SNX24: variants seen among roughly 807,000 people sequenced by gnomAD.
SNX24 encodes the protein sorting nexin-24.
In SNX24, 22 loss-of-function variants were observed where a neutral mutation model predicts 28.7. The ratio of observed to expected loss-of-function variants is 0.77; its 90% CI spans 0.55 to 1.10. The LOEUF (loss-of-function observed/expected upper bound fraction) is 1.10. Ranked by LOEUF, SNX24 falls within the 50% of genes least tolerant of loss-of-function variation. SNX24 has a pLI of 0.00. For missense variants in SNX24, 221 were observed against 201.1 expected, an observed-to-expected ratio of 1.10 and a Z score of -0.60; for synonymous variants, 69 against 71.5, an observed-to-expected ratio of 0.96 and a Z score of 0.18.
chr5:122,920,594 G>A (rs1339172316), intron 1 of SNX24, among the ~76,000 whole-genome samples: 2 of 152,114 alleles, frequency 1.3e-5, no homozygotes, highest in Admixed American at 6.5e-5. Context: ...GTTGTTATAC[G>A]CAAGTAGAAT....
chr5:122,908,781 T>C (rs1471096756), intron 1 of SNX24, among the ~76,000 whole-genome samples: 2 of 152,200 alleles, frequency 1.3e-5, no homozygotes, highest in South Asian at 2.1e-4. Context: ...GAGGACTGTT[T>C]CTATGTCCTG....
intron 1 of SNX24, among the ~76,000 whole-genome samples, chr5:122,918,659 T>C (rs1048066109): frequency 6.6e-6 from 1 of 152,176 alleles, no homozygotes; most frequent in African/African-American, 2.4e-5. Flanking sequence ...GTATAGACTT[T>C]TAGAGCTCAA....
intron 3 of SNX24, among the ~76,000 whole-genome samples, chr5:122,975,338 T>C (rs1192530306): frequency 1.3e-5 from 2 of 152,134 alleles, no homozygotes; most frequent in African/African-American, 2.4e-5. Flanking sequence ...TTTTAATCCT[T>C]CTTTTTGTTT....
chr5:122,905,309 A>G (rs1757602997), intron 1 of SNX24, among the ~76,000 whole-genome samples: 1 of 152,110 alleles, frequency 6.6e-6, no homozygotes, highest in Non-Finnish European at 1.5e-5. Context: ...AGTTGGGTTC[A>G]TTCTGCCAGC....
intron 1 of SNX24, among the ~76,000 whole-genome samples, chr5:122,898,055 CTGTT>C (rs1387589746): frequency 4.6e-5 from 7 of 152,138 alleles, no homozygotes; most frequent in African/African-American, 7.2e-5. Flanking sequence ...TTCTGGAAAA[CTGTT>C]TGTGTGCATG....
intron 3 of SNX24, among the ~76,000 whole-genome samples, chr5:122,953,691 T>C (rs1269829740): frequency 6.6e-6 from 1 of 152,204 alleles, no homozygotes; most frequent in Admixed American, 6.5e-5. Context: ...TGTGCATACG[T>C]TACTTGTTCC....
intron 6 of SNX24, among the ~76,000 whole-genome samples, chr5:123,006,566 C>G (rs555692065): frequency 3.7e-4 from 56 of 152,370 alleles, no homozygotes; most frequent in Non-Finnish European, 1.8e-4. Flanking sequence ...CTCTGTCCCA[C>G]TCTGCTTAAA....
rs1334459082 is a variant in SNX24 at position 123,001,940 on chromosome 5, C to T, written c.378C>T (p.Ser126=). 1.2e-6 allele frequency: 2 copies of T among 1,613,938 alleles called. No individual in the cohort carries two copies. The highest frequency in any genetic ancestry group is 2.7e-5 in the African/African-American group (2 of 74,928). Residue 126 remains serine, a splice_region_variant and synonymous_variant, in exon 6 of 7, where the codon AGC becomes AGT. Coordinates refer to ENST00000261369, the MANE Select transcript of SNX24 (RefSeq NM_014035.4). ...ACATGCCTGTTCTTGACCTTTCCAG[C>T]AAACTGTCCCACCAGCCTGTGCTGC... ...SFDETESEES[S]KLSHQPVLLF...
chr5:122,998,935 T>C (rs1023773338), intron 3 of SNX24, among the ~76,000 whole-genome samples: 3 of 152,158 alleles, frequency 2.0e-5, no homozygotes, highest in Non-Finnish European at 2.9e-5. Context: ...CAACATGTAC[T>C]TACTGGACAA....
intron 1 of SNX24, among the ~76,000 whole-genome samples, chr5:122,904,273 CCT>C (rs1398929098): frequency 1.1e-4 from 17 of 152,082 alleles, no homozygotes; most frequent in Non-Finnish European, 1.9e-4. Flanking sequence ...GCCTCTGCCC[CCT>C]GAGTTCAAGG....
chr5:123,027,062 C>T (rs45584638), intron 5 of SNX24, among the ~76,000 whole-genome samples: 33 of 152,034 alleles, frequency 2.2e-4, no homozygotes, highest in African/African-American at 6.5e-4. Flanking sequence ...GGCATGGTGG[C>T]GGGCGCCTGC....
chr5:123,021,058 C>G (rs1440196459), intron 5 of SNX24, among the ~76,000 whole-genome samples: 2 of 152,126 alleles, frequency 1.3e-5, no homozygotes, highest in Non-Finnish European at 2.9e-5. Flanking sequence ...CCCAGCCTGC[C>G]CATCACTGAT....
At chr5:123,016,014 T>C (rs1268350566) in intron 5 of SNX24, among the ~76,000 whole-genome samples, 3 of 152,258 alleles carry the variant, frequency 2.0e-5, no homozygotes, top group Non-Finnish European at 4.4e-5. Context: ...ATGAATTTTA[T>C]ACCTAGTTAT....
intron 3 of SNX24, among the ~76,000 whole-genome samples, chr5:122,987,079 T>C (rs1181794507): frequency 1.3e-5 from 2 of 152,006 alleles, no homozygotes; most frequent in Non-Finnish European, 2.9e-5. Context: ...GGTAGAGTTG[T>C]TGGGATAAAG....
At chr5:123,007,174 G>A (rs1043713885) in intron 6 of SNX24, among the ~76,000 whole-genome samples, 1 of 152,088 alleles carries the variant, frequency 6.6e-6, no homozygotes, top group Non-Finnish European at 1.5e-5. Context: ...GCCCTTTTAA[G>A]TTAGGAAGAC....
At chr5:122,933,023 A>T (rs1759028467) in intron 1 of SNX24, among the ~76,000 whole-genome samples, 1 of 152,074 alleles carries the variant, frequency 6.6e-6, no homozygotes, top group Non-Finnish European at 1.5e-5. Flanking sequence ...ATCTTTTGTT[A>T]ATTTTACCTT....
At chr5:122,926,831 A>G (rs1016259096) in intron 1 of SNX24, among the ~76,000 whole-genome samples, 2 of 152,188 alleles carry the variant, frequency 1.3e-5, no homozygotes, top group African/African-American at 4.8e-5. Context: ...AGGCCTATGA[A>G]TGGGCATCGG....
intron 3 of SNX24, among the ~76,000 whole-genome samples, chr5:122,958,336 C>T (rs549707908): frequency 1.3e-5 from 2 of 152,190 alleles, no homozygotes; most frequent in Admixed American, 6.5e-5. Context: ...TCACTGCAAC[C>T]TCCACCTCCC....
At chr5:122,869,748 A>G (rs1755888680) in intron 1 of SNX24, among the ~76,000 whole-genome samples, 3 of 152,200 alleles carry the variant, frequency 2.0e-5, no homozygotes, top group African/African-American at 7.2e-5. Flanking sequence ...TGCTTTTTCC[A>G]TCGTAGACTC....
Sources: gnomAD v4.1 joint callset for allele counts (sites outside exome capture counted in the v4.1 genomes callset) on GRCh38, gnomAD v4.1.1 for gene constraint, MANE v1.5 for transcripts, NCBI Gene and HGNC (gene_info 2026-07-23, HGNC 2026-07-21) for gene names.